MYO1B: variants seen among roughly 807,000 people sequenced by gnomAD.
MYO1B encodes myosin IB.
Under a neutral mutation model 159.7 loss-of-function variants are expected in MYO1B, and 72 were observed. The observed-to-expected ratio is 0.45, with a 90% confidence interval of 0.37 to 0.55. The LOEUF (loss-of-function observed/expected upper bound fraction) is 0.55, where lower values mean the gene tolerates loss of function less well. Among genes scored for constraint, MYO1B ranks in the 20% least tolerant of loss-of-function variants. The probability of loss-of-function intolerance (pLI) is 0.00; values close to 1 mark genes in which losing one functional copy is unlikely to be tolerated. For synonymous variants in MYO1B, 468 were observed against 473.8 expected (o/e 0.99, Z 0.16); for missense variants, 1,062 against 1,364.8 (o/e 0.78, Z 3.50).
chr2:191,418,482 ATTTTTTTT>A lies in MYO1B; in HGVS notation c.3287+2257_3287+2264del, dbSNP rs1159016855. On this transcript the variant is annotated intron_variant, in intron 30 of 30. Transcript: ENST00000392318. ...CAAAGTCCTGTTTACTCTTTAGTGG[ATTTTTTTT>A]TTTTTTTTTTTTTTTTGAGGCAGAG... 6.6e-3 allele frequency among the ~76,000 whole-genome samples: 532 copies of A among 81,076 alleles called. 4 individuals carry two copies. The highest frequency in any genetic ancestry group is 0.018 in the Admixed American group (88 of 4,994). The allele number at this position is 81,076 out of a possible 152,430, so 53.2% of individuals were successfully genotyped here.
At chr2:191,360,250 A>G (rs1693576527) in intron 7 of MYO1B, among the ~76,000 whole-genome samples, 1 of 152,208 alleles carries the variant, frequency 6.6e-6, no homozygotes, top group African/African-American at 2.4e-5. Context: ...AGTATTAACT[A>G]ATTTTTATTA....
At chr2:191,328,229 T>C (rs1691231927) in intron 3 of MYO1B, among the ~76,000 whole-genome samples, 1 of 152,220 alleles carries the variant, frequency 6.6e-6, no homozygotes, top group Non-Finnish European at 1.5e-5. Context: ...TCAAAGGTGT[T>C]CAGTAAATTG....
chr2:191,368,217 A>G (rs533285581), intron 11 of MYO1B, among the ~76,000 whole-genome samples: 41 of 152,366 alleles, frequency 2.7e-4, no homozygotes, highest in Admixed American at 5.9e-4. Context: ...GTATTCCCAC[A>G]TAATCTAACA....
chr2:191,282,267 A>G (rs1053686717), intron 2 of MYO1B, among the ~76,000 whole-genome samples: 5 of 152,200 alleles, frequency 3.3e-5, no homozygotes, highest in African/African-American at 9.7e-5. Context: ...TCCTGGGGTC[A>G]GGAGTTGGGG....
chr2:191,373,351 C>T (rs970833900), intron 13 of MYO1B, among the ~76,000 whole-genome samples: 2 of 152,142 alleles, frequency 1.3e-5, no homozygotes, highest in African/African-American at 4.8e-5. Flanking sequence ...GAGGTGATTC[C>T]AGTGTGCACT....
intron 7 of MYO1B, 67 bp from the exon 8 acceptor site, chr2:191,360,564 G>A (rs974248804): frequency 6.2e-6 from 6 of 963,482 alleles, no homozygotes; most frequent in Non-Finnish European, 9.5e-6. Flanking sequence ...AAAGTGAGAA[G>A]GAAAAAAAGC....
At chr2:191,297,600 T>C (rs1689063256) in intron 3 of MYO1B, among the ~76,000 whole-genome samples, 1 of 152,322 alleles carries the variant, frequency 6.6e-6, no homozygotes, top group Non-Finnish European at 1.5e-5. Flanking sequence ...CATAAATACA[T>C]GTGCATGTAG....
At chr2:191,287,982 G>A (rs1688479957) in intron 2 of MYO1B, among the ~76,000 whole-genome samples, 1 of 151,902 alleles carries the variant, frequency 6.6e-6, no homozygotes, top group Non-Finnish European at 1.5e-5. Flanking sequence ...TATGTGCTTG[G>A]GTAGGCCTTT....
rs1016122104 is a variant in MYO1B at position 191,417,843 on chromosome 2, C to G, written c.3287+1601C>G. Among the ~76,000 whole-genome samples the G allele has an allele frequency of 2.6e-5, 4 of 152,280 alleles. No individual in the cohort carries two copies. In the South Asian group the frequency reaches 8.3e-4, roughly 32 times the overall value. The stretch of plus-strand genomic sequence containing the variant: ...GCGGGGATAGCGTGTGGCGTGAATC[C>G]TAAACATAGTCAACCACAGAGCTCC... On this transcript the variant is annotated intron_variant, in intron 30 of 30. Transcript: ENST00000392318.
At chr2:191,358,139 G>A (rs1693421914) in intron 7 of MYO1B, among the ~76,000 whole-genome samples, 1 of 152,058 alleles carries the variant, frequency 6.6e-6, no homozygotes, top group Non-Finnish European at 1.5e-5. Flanking sequence ...AAGACTGTAA[G>A]CATGATACCT....
intron 2 of MYO1B, among the ~76,000 whole-genome samples, chr2:191,279,819 G>T (rs1687950352): frequency 6.6e-6 from 1 of 151,976 alleles, no homozygotes; most frequent in Admixed American, 6.6e-5. Flanking sequence ...TATAAAAATG[G>T]GTGACTCTCT....
intron 21 of MYO1B, among the ~76,000 whole-genome samples, chr2:191,396,914 G>T (rs1410350999): frequency 1.3e-5 from 2 of 152,066 alleles, no homozygotes; most frequent in African/African-American, 2.4e-5. Context: ...AAGATCCTGA[G>T]ATCTGGCCAG....
chr2:191,304,041 C>A (rs1443988393), intron 3 of MYO1B, among the ~76,000 whole-genome samples: 1 of 152,168 alleles, frequency 6.6e-6, no homozygotes, highest in Non-Finnish European at 1.5e-5. Flanking sequence ...TGATTCTGGA[C>A]AACAAGGATT....
At position 191,381,554 on chromosome 2, in the gene MYO1B, G is replaced by T; in HGVS notation, c.1278G>T (p.Glu426Asp). 6.2e-7 allele frequency: 1 copy of T among 1,609,624 alleles called. No homozygotes were observed. The highest frequency in any genetic ancestry group is 8.5e-7 in the Non-Finnish European group (1 of 1,176,938). The change falls in exon 14 of 31, where the codon GAG becomes GAT. Residue 426 changes from glutamate (E) to aspartate (D), a missense_variant. Around this residue, in one of 5 missense-constraint regions of MYO1B, gnomAD observed 415 missense variants for 544.0 expected, o/e 0.76. Coordinates refer to ENST00000392318, the MANE Select transcript of MYO1B (RefSeq NM_001130158.3). ...IELTLKEEQE[E>D]YIREDIEWTH... is the part of the protein sequence containing the mutation. ...TTACTCTTAAAGAAGAGCAGGAGGAGTATATACGGGAGGTAATGTTGAAAT... is the reference window on the plus strand; with the variant it reads ...TTACTCTTAAAGAAGAGCAGGAGGATTATATACGGGAGGTAATGTTGAAAT...
intron 7 of MYO1B, among the ~76,000 whole-genome samples, chr2:191,356,154 A>G (rs1159952424): frequency 1.3e-5 from 2 of 152,164 alleles, no homozygotes; most frequent in Non-Finnish European, 2.9e-5. Flanking sequence ...GGAATCTCTG[A>G]TCAGTTTTCT....
At chr2:191,334,917 A>G (rs1425513422) in intron 4 of MYO1B, among the ~76,000 whole-genome samples, 16 of 152,212 alleles carry the variant, frequency 1.1e-4, no homozygotes, top group Non-Finnish European at 2.4e-4. Context: ...CAACCAAATT[A>G]GTACAGAAGC....
At chr2:191,355,245 A>G (rs1028374014) in intron 7 of MYO1B, among the ~76,000 whole-genome samples, 2 of 152,216 alleles carry the variant, frequency 1.3e-5, no homozygotes, top group African/African-American at 4.8e-5. Flanking sequence ...CAACCAACCC[A>G]TGAGCAAGCC....
chr2:191,370,326 G>T, intron 13 of MYO1B, 34 bp downstream of exon 13: 1 of 1,445,450 alleles, frequency 6.9e-7, no homozygotes, highest in Admixed American at 1.7e-5. Context: ...ATTGTCTTTA[G>T]TAGAGTGGAA....
At chr2:191,389,902 A>G (rs1166084602) in intron 17 of MYO1B, among the ~76,000 whole-genome samples, 1 of 152,112 alleles carries the variant, frequency 6.6e-6, no homozygotes, top group African/African-American at 2.4e-5. Context: ...TTGCATGTTG[A>G]TCCCCCACTA....
Sources: allele counts gnomAD v4.1 joint callset (sites outside exome capture counted in the v4.1 genomes callset), GRCh38; gene constraint gnomAD v4.1.1; regional missense constraint gnomAD v4.1.1; transcripts MANE v1.5; gene names NCBI Gene and HGNC (gene_info 2026-07-23, HGNC 2026-07-21).